RUFY1: variants seen among roughly 807,000 people sequenced by gnomAD.
RUFY1 encodes the protein RUN and FYVE domain-containing protein 1.
In RUFY1, 54 loss-of-function variants were observed where a neutral mutation model predicts 94.6. The ratio of observed to expected loss-of-function variants is 0.57; its 90% CI spans 0.46 to 0.72. RUFY1 has a LOEUF of 0.72. RUFY1 is among the 30% of genes least tolerant of loss of function. The pLI is 0.00. For missense variants in RUFY1, 883 were observed against 883.9 expected (o/e 1.00, Z 0.01); for synonymous variants, 396 against 347.3 (o/e 1.14, Z -1.56).
intron 13 of RUFY1, among the ~76,000 whole-genome samples, chr5:179,597,435 C>T (rs1765777442): frequency 6.6e-6 from 1 of 152,162 alleles, no homozygotes; most frequent in African/African-American, 2.4e-5. Flanking sequence ...CGGGGTTTCA[C>T]TGTGTTAACC....
chr5:179,550,923 C>G (rs1260191691), intron 1 of RUFY1, 44 bp downstream of exon 1: 2 of 1,048,230 alleles, frequency 1.9e-6, no homozygotes, highest in Middle Eastern at 4.4e-4. Context: ...TCGCGTGTCC[C>G]CGCTGGCCGC....
chr5:179,582,929 C>T (rs1295930169), intron 7 of RUFY1, among the ~76,000 whole-genome samples: 1 of 152,134 alleles, frequency 6.6e-6, no homozygotes. Context: ...GGTTATGTAG[C>T]ATTGCAAAAT....
chr5:179,602,164 T>G (rs1766501988), intron 15 of RUFY1, 178 bp downstream of exon 15: 3 of 595,384 alleles, frequency 5.0e-6, no homozygotes, highest in Non-Finnish European at 9.1e-6. Flanking sequence ...AGCACTGATC[T>G]CTGCTACCCA....
intron 7 of RUFY1, 78 bp from the exon 8 acceptor site, chr5:179,585,716 ATC>A (rs928461673): frequency 9.2e-5 from 94 of 1,020,674 alleles, no homozygotes; most frequent in African/African-American, 8.5e-4. Flanking sequence ...AAATCTAGGA[ATC>A]TCTCTTACTG....
chr5:179,559,952 C>T, intron 1 of RUFY1, 73 bp from the exon 2 acceptor site: 1 of 1,536,102 alleles, frequency 6.5e-7, no homozygotes. Flanking sequence ...GACCCGTCTT[C>T]TCACCGTTGC....
chr5:179,573,894 C>T (rs780875145), intron 5 of RUFY1, among the ~76,000 whole-genome samples: 2 of 152,012 alleles, frequency 1.3e-5, no homozygotes, highest in Non-Finnish European at 2.9e-5. Context: ...AACATGTCAA[C>T]CTGCTTTTAA....
chr5:179,562,768 C>G (rs1762547313), intron 3 of RUFY1, 104 bp downstream of exon 3: 1 of 702,492 alleles, frequency 1.4e-6, no homozygotes, highest in East Asian at 2.5e-5. Context: ...TTGGAAAGAG[C>G]TCTGCTGCTC....
intron 8 of RUFY1, among the ~76,000 whole-genome samples, chr5:179,588,002 AAAAC>A (rs1399528431): frequency 7.9e-5 from 12 of 152,108 alleles, no homozygotes; most frequent in African/African-American, 2.9e-4. Context: ...CTCAATTAAA[AAAAC>A]AAAGAAATGT....
intron 17 of RUFY1, among the ~76,000 whole-genome samples, chr5:179,607,951 C>T (rs1183992139): frequency 6.6e-6 from 1 of 152,198 alleles, no homozygotes. Flanking sequence ...CAGAGCTGCT[C>T]TAGGGGAGTG....
chr5:179,584,649 G>A (rs1764451120), intron 7 of RUFY1, among the ~76,000 whole-genome samples: 1 of 151,774 alleles, frequency 6.6e-6, no homozygotes, highest in Non-Finnish European at 1.5e-5. Flanking sequence ...TGGGCCTGGT[G>A]GCAAGGTGGG....
In RUFY1 at chr5:179,562,672, A is replaced by G; in HGVS notation, c.602+8A>G. On this transcript the variant is annotated splice_region_variant and intron_variant, in intron 3 of 17. Transcript: ENST00000319449. Reference sequence around the variant, plus strand: ...AAATCTTCCAGAATTAAAGTGAGTGAGAAGTAGTTCTGCCAATTTGATGAT... The same window carrying G: ...AAATCTTCCAGAATTAAAGTGAGTGGGAAGTAGTTCTGCCAATTTGATGAT... 1 of 1,370,052 alleles carries G rather than the reference A, an allele frequency of 7.3e-7. No individual in the cohort carries two copies. Among genetic ancestry groups the G allele is most frequent in the East Asian group, 2.3e-5 (1 of 43,722 alleles). 84.9% of individuals were successfully genotyped at this position (1,370,052 alleles called of 1,614,324 possible). A position where few individuals can be genotyped will look rare whatever the true frequency, so the allele number is the denominator to read the frequency against.
intron 1 of RUFY1, among the ~76,000 whole-genome samples, chr5:179,553,992 G>A (rs1209951316): frequency 2.6e-5 from 4 of 152,160 alleles, no homozygotes; most frequent in South Asian, 2.1e-4. Flanking sequence ...AGGGCGGCTC[G>A]CTCTGCAGCG....
chr5:179,558,969 A>G (rs1283009304), intron 1 of RUFY1, among the ~76,000 whole-genome samples: 4 of 152,268 alleles, frequency 2.6e-5, no homozygotes, highest in Non-Finnish European at 4.4e-5. Flanking sequence ...TGAGCAAGCA[A>G]TTCACAGAAG....
intron 5 of RUFY1, chr5:179,572,443 C>A: frequency 5.4e-6 from 1 of 185,750 alleles, no homozygotes. Flanking sequence ...GAGGCTTAGG[C>A]CCCCGAGCAT....
At chr5:179,559,752 C>T in intron 1 of RUFY1, 2 of 1,156,986 alleles carry the variant, frequency 1.7e-6, no homozygotes, top group Non-Finnish European at 2.1e-6. Flanking sequence ...AAGCCGTCGC[C>T]GTAGCAACGC....
chr5:179,609,687 T>C lies in RUFY1; in HGVS notation c.*168T>C, dbSNP rs1407685536. The C allele has an allele frequency of 3.2e-5, 19 of 601,224 alleles. No individual in the cohort carries two copies. The highest frequency in any genetic ancestry group is 2.8e-6 in the Non-Finnish European group (1 of 362,514). The allele number at this position is 601,224 out of a possible 1,614,324, so 37.2% of individuals were successfully genotyped here. ...GTGCCGGAACCGGCAGCTCTCACCT[T>C]TCTGTGACTTGTTCGGAATTAACTC... On this transcript the variant is annotated 3_prime_UTR_variant, in exon 18 of 18. Transcript: ENST00000319449.
chr5:179,575,168 T>A (rs925926057), intron 5 of RUFY1, among the ~76,000 whole-genome samples: 3 of 152,048 alleles, frequency 2.0e-5, no homozygotes, highest in African/African-American at 7.2e-5. Flanking sequence ...ATTAAATATT[T>A]TCTGGTCTTC....
intron 5 of RUFY1, among the ~76,000 whole-genome samples, chr5:179,574,833 T>TTG (rs1268953804): frequency 5.9e-5 from 9 of 152,148 alleles, no homozygotes; most frequent in Non-Finnish European, 1.2e-4. Flanking sequence ...ACTTTGGGAG[T>TTG]AGGGCTTTAT....
At chr5:179,560,560 A>AT (rs1762372946) in intron 2 of RUFY1, among the ~76,000 whole-genome samples, 1 of 151,374 alleles carries the variant, frequency 6.6e-6, no homozygotes, top group South Asian at 2.1e-4. Context: ...TCTACTAAAA[A>AT]AAAAAAATAC....
Sources: gnomAD v4.1 joint callset for allele counts (sites outside exome capture counted in the v4.1 genomes callset) on GRCh38, gnomAD v4.1.1 for gene constraint, MANE v1.5 for transcripts, NCBI Gene and HGNC (gene_info 2026-07-23, HGNC 2026-07-21) for gene names.